The following WNT3A variants were observed in gnomAD, a reference collection of about 807,000 sequenced individuals.
WNT3A encodes the protein protein Wnt-3a.
Under a neutral mutation model 37.0 loss-of-function variants are expected in WNT3A, and 17 were observed. The observed-to-expected ratio is 0.46, with a 90% confidence interval of 0.31 to 0.69. WNT3A has a LOEUF of 0.69. Ranked by LOEUF, WNT3A falls within the 30% of genes least tolerant of loss-of-function variation. The pLI, the probability that WNT3A is intolerant of heterozygous loss-of-function variation, is 0.05. For missense variants in WNT3A, 411 were observed against 510.2 expected (o/e 0.81, Z 1.87); for synonymous variants, 187 against 211.0 (o/e 0.89, Z 0.99).
intron 3 of WNT3A, among the ~76,000 whole-genome samples, chr1:228,055,194 AT>A: frequency 1.5e-5 from 1 of 67,522 alleles, no homozygotes; most frequent in East Asian, 5.7e-4. Context: ...ATATATATAT[AT>A]ATATATATAT....
intron 2 of WNT3A, among the ~76,000 whole-genome samples, chr1:228,028,256 G>A (rs1433018786): frequency 6.7e-6 from 1 of 148,308 alleles, no homozygotes; most frequent in Non-Finnish European, 1.5e-5. Flanking sequence ...GCTTAGGATT[G>A]CTTTGGCTAT....
intron 1 of WNT3A, among the ~76,000 whole-genome samples, chr1:228,022,012 C>T (rs1234961460): frequency 1.3e-5 from 2 of 152,216 alleles, no homozygotes; most frequent in Non-Finnish European, 2.9e-5. Context: ...GGGGATAGGG[C>T]AGGTCAGGGT....
chr1:228,007,123 G>A lies in WNT3A; in HGVS notation c.-6G>A. ...CTCCCGGCCCTCCGCGCCCTCTCGC[G>A]CGGCGATGGCCCCACTCGGATACTT... On this transcript the variant is annotated 5_prime_UTR_variant, in exon 1 of 4. Coordinates refer to ENST00000284523, the MANE Select transcript of WNT3A (RefSeq NM_033131.4). This position sits in a 1 kb window ranked among gnomAD's most constrained non-coding sequence, Gnocchi z 6.0. 1 of 1,569,638 alleles carries A rather than the reference G, an allele frequency of 6.4e-7. No homozygotes were observed. Among genetic ancestry groups the A allele is most frequent in the Non-Finnish European group, 8.6e-7 (1 of 1,159,864 alleles).
chr1:228,024,808 C>G (rs1322227340), intron 2 of WNT3A, among the ~76,000 whole-genome samples: 2 of 152,098 alleles, frequency 1.3e-5, no homozygotes, highest in Non-Finnish European at 2.9e-5. Context: ...TTGAGCTCAT[C>G]TTTTTATATG....
chr1:228,027,049 G>T (rs1175557375), intron 2 of WNT3A, among the ~76,000 whole-genome samples: 2 of 152,032 alleles, frequency 1.3e-5, no homozygotes, highest in South Asian at 2.1e-4. Flanking sequence ...CACCACTTTG[G>T]CTGGGCTGGT....
chr1:228,026,835 C>T (rs879708959), intron 2 of WNT3A, among the ~76,000 whole-genome samples: 1 of 152,060 alleles, frequency 6.6e-6, no homozygotes, highest in Non-Finnish European at 1.5e-5. Flanking sequence ...TGTATATATA[C>T]CACATTTTCT....
At chr1:228,024,958 G>T (rs1237977485) in intron 2 of WNT3A, among the ~76,000 whole-genome samples, 1 of 152,134 alleles carries the variant, frequency 6.6e-6, no homozygotes, top group African/African-American at 2.4e-5. Context: ...TAGATGTATA[G>T]GTTTATTTCT....
Position 228,060,655 on chromosome 1 carries a change from GC to G in WNT3A, c.*1195del. 1 of 173,916 alleles carries G rather than the reference GC, an allele frequency of 5.7e-6. No homozygotes were observed. The allele number at this position is 173,916 out of a possible 1,614,324, so 10.8% of individuals were successfully genotyped here. A position where few individuals can be genotyped will look rare whatever the true frequency, so the allele number is the denominator to read the frequency against. The stretch of plus-strand genomic sequence containing the variant: ...GCCCGTCTCTGCTCTGCTCAGCTGC[GC>G]CCCCTTCTTTGCAGCTGCCCAGCCC... On this transcript the variant is annotated 3_prime_UTR_variant, in exon 4 of 4. Coordinates refer to ENST00000284523, the MANE Select transcript of WNT3A (RefSeq NM_033131.4).
At chr1:228,052,402 C>A (rs1316034926) in intron 3 of WNT3A, among the ~76,000 whole-genome samples, 1 of 152,178 alleles carries the variant, frequency 6.6e-6, no homozygotes, top group East Asian at 1.9e-4. Context: ...CCTCGGCCTC[C>A]CAAAGTGCTG....
Position 228,015,230 on chromosome 1 carries a change from C to T in WNT3A, c.72-7437C>T, listed in dbSNP as rs76570121. On this transcript the variant is annotated intron_variant, in intron 1 of 3. Coordinates refer to ENST00000284523, the MANE Select transcript of WNT3A (RefSeq NM_033131.4). ...ACTAGGTCTTGTGGTGCTGGTACTG[C>T]GATCTGCTAGCCCAGCCCTGCCGTT... Among the ~76,000 whole-genome samples, 1,212 of 152,288 alleles carry T rather than the reference C, an allele frequency of 8.0e-3. 6 individuals carry two copies. The highest frequency in any genetic ancestry group is 0.013 in the Non-Finnish European group (870 of 68,028).
chr1:228,034,239 G>GCAACAGAGTGAGACT (rs1343821779), intron 2 of WNT3A, among the ~76,000 whole-genome samples: 2 of 152,118 alleles, frequency 1.3e-5, no homozygotes, highest in Non-Finnish European at 2.9e-5. Flanking sequence ...TCCAGCCTGG[G>GCAACAGAGTGAGACT]CAACAGAGTG....
intron 3 of WNT3A, among the ~76,000 whole-genome samples, chr1:228,056,815 T>C (rs2031691044): frequency 6.6e-6 from 1 of 152,334 alleles, no homozygotes; most frequent in South Asian, 2.1e-4. Flanking sequence ...GGAATCAAAA[T>C]AGTACCAGAC....
intron 3 of WNT3A, among the ~76,000 whole-genome samples, chr1:228,053,874 T>C (rs2031611088): frequency 6.6e-6 from 1 of 152,198 alleles, no homozygotes; most frequent in Non-Finnish European, 1.5e-5. Flanking sequence ...CACATATATA[T>C]TTTTGTATGT....
intron 2 of WNT3A, among the ~76,000 whole-genome samples, chr1:228,034,815 TCA>T (rs2031096240): frequency 6.6e-6 from 1 of 152,182 alleles, no homozygotes; most frequent in Non-Finnish European, 1.5e-5. Flanking sequence ...TGCCTGATTT[TCA>T]CAAGTCCCAG....
chr1:228,042,813 TG>T lies in WNT3A; in HGVS notation c.314-7841del, dbSNP rs1246274241. Among the ~76,000 whole-genome samples, 1 of 151,440 alleles carries T rather than the reference TG, an allele frequency of 6.6e-6. No individual in the cohort carries two copies. The highest frequency in any genetic ancestry group is 6.6e-5 in the Admixed American group (1 of 15,198). ...TGGATAGATGTGGATGATGGATGGA[TG>T]GATAATGGATGATGGATGGATGTGG... On this transcript the variant is annotated intron_variant, in intron 2 of 3. Coordinates refer to ENST00000284523, the MANE Select transcript of WNT3A (RefSeq NM_033131.4). The surrounding 1 kb of genome is among the most constrained non-coding windows in gnomAD (Gnocchi z 5.2).
intron 1 of WNT3A, among the ~76,000 whole-genome samples, chr1:228,013,147 C>T (rs1036854176): frequency 6.6e-6 from 1 of 152,092 alleles, no homozygotes; most frequent in African/African-American, 2.4e-5. Flanking sequence ...TCCTGGGCTC[C>T]AGCAGTCCTC....
chr1:228,040,727 CA>C (rs1053159779), intron 2 of WNT3A, among the ~76,000 whole-genome samples: 3 of 149,850 alleles, frequency 2.0e-5, no homozygotes, highest in African/African-American at 2.4e-5. Context: ...ACTAAAAATA[CA>C]AAAAAAAATT....
Position 228,050,837 on chromosome 1 carries a change from G to A in WNT3A, c.495G>A (p.Val165=), listed in dbSNP as rs1015239779. The change falls in exon 3 of 4, where the codon GTG becomes GTA. Residue 165 remains valine (V), a synonymous_variant. Coordinates refer to ENST00000284523, the MANE Select transcript of WNT3A (RefSeq NM_033131.4). This position sits in a 1 kb window ranked among gnomAD's most constrained non-coding sequence, Gnocchi z 5.0. ...AGGACATCGAGTTTGGTGGGATGGT[G>A]TCTCGGGAGTTCGCCGACGCCCGGG... ...CSEDIEFGGM[V]SREFADAREN... 5 of 1,604,912 alleles carry A rather than the reference G, an allele frequency of 3.1e-6. No individual in the cohort carries two copies. In the East Asian group the frequency reaches 1.1e-4, roughly 36 times the overall value.
intron 2 of WNT3A, among the ~76,000 whole-genome samples, chr1:228,029,010 G>T (rs1431403398): frequency 2.6e-5 from 4 of 152,088 alleles, no homozygotes; most frequent in African/African-American, 9.7e-5. Flanking sequence ...TTGGGGAAAA[G>T]GTCTGCTCCG....
Sources: allele counts gnomAD v4.1 joint callset (sites outside exome capture counted in the v4.1 genomes callset), GRCh38; gene constraint gnomAD v4.1.1; non-coding constraint Gnocchi (gnomAD v3.1); transcripts MANE v1.5; gene names NCBI Gene and HGNC (gene_info 2026-07-23, HGNC 2026-07-21).